AKR1B10: variants seen among roughly 807,000 people sequenced by gnomAD.
AKR1B10 encodes the protein aldo-keto reductase family 1 member B10, also known as ARP.
AKR1B10 carries 39 observed loss-of-function variants against 38.9 expected under a neutral mutation model. The ratio of observed to expected loss-of-function variants is 1.00; its 90% confidence interval spans 0.78 to 1.31. The LOEUF (loss-of-function observed/expected upper bound fraction) is 1.31. AKR1B10 is among the 50% of genes most tolerant of loss of function. The pLI is 0.00. For missense variants in AKR1B10, 361 were observed against 382.6 expected, an observed-to-expected ratio of 0.94 and a Z score of 0.47; for synonymous variants, 148 against 141.2, an observed-to-expected ratio of 1.05 and a Z score of -0.34.
intron 1 of AKR1B10, among the ~76,000 whole-genome samples, chr7:134,530,334 A>G (rs1298000359): frequency 6.6e-6 from 1 of 152,238 alleles, no homozygotes; most frequent in Non-Finnish European, 1.5e-5. Context: ...GGACATAATC[A>G]TAAAATAATT....
chr7:134,538,660 A>T (rs142498447), intron 8 of AKR1B10, among the ~76,000 whole-genome samples: 51 of 152,164 alleles, frequency 3.4e-4, no homozygotes, highest in African/African-American at 1.2e-3. Flanking sequence ...CTCTAGAAGC[A>T]CCTGTCATGG....
At chr7:134,533,612 T>C (rs1807924218) in intron 4 of AKR1B10, among the ~76,000 whole-genome samples, 2 of 152,178 alleles carry the variant, frequency 1.3e-5, no homozygotes, top group South Asian at 4.1e-4. Context: ...ACCTAGATTG[T>C]TTGATGACTT....
rs773730938 is a variant in AKR1B10, at chr7:134,528,003, C to A, written c.66+26C>A. ...GTAAATATGCAAATCTTTGCACACCCTTCTTCTCTGGAGGGGCGTTTGGGT... is the reference window on the plus strand; with the variant it reads ...GTAAATATGCAAATCTTTGCACACCATTCTTCTCTGGAGGGGCGTTTGGGT... On this transcript the variant is annotated intron_variant, in intron 1 of 9. Transcript: ENST00000359579. 5.0e-6 allele frequency: 8 copies of A among 1,612,656 alleles called. No homozygotes were observed. In the South Asian group the frequency reaches 6.6e-5, roughly 13 times the overall value.
In AKR1B10 at chr7:134,530,230, G is replaced by A. The variant is rs1425017118; in HGVS notation, c.67-413G>A. The stretch of plus-strand genomic sequence containing the variant: ...CTTTCATCTGGGTCTTCAGAAAGTT[G>A]TAGTGGAGCGGTCTGCACCCCCACA... On this transcript the variant is annotated intron_variant, in intron 1 of 9. Coordinates refer to ENST00000359579, the MANE Select transcript of AKR1B10 (RefSeq NM_020299.5). Among the ~76,000 whole-genome samples the A allele has an allele frequency of 2.0e-5, 3 of 152,292 alleles. No individual in the cohort carries two copies. In the East Asian group the frequency reaches 5.8e-4, roughly 29 times the overall value.
At chr7:134,531,805 G>T (rs181006655) in intron 2 of AKR1B10, 103 bp from the exon 3 acceptor site, 2 of 1,321,054 alleles carry the variant, frequency 1.5e-6, no homozygotes, top group East Asian at 2.3e-5. Context: ...CAAATGGCTT[G>T]TGGTGGGTTA....
rs889727476 is a variant in AKR1B10 at position 134,537,746 on chromosome 7, C to T, written c.741+85C>T. ...TATCCTGTGTTGTCCTCAACAAACT[C>T]CTTAAAGGGGAAGAATATAGGAGCT... On this transcript the variant is annotated intron_variant, in intron 7 of 9. Transcript: ENST00000359579. The T allele has an allele frequency of 4.0e-6, 6 of 1,511,690 alleles. No homozygotes were observed. In the African/African-American group the frequency reaches 6.9e-5, roughly 17 times the overall value. 93.6% of individuals were successfully genotyped at this position (1,511,690 alleles called of 1,614,324 possible). A position where few individuals can be genotyped will look rare whatever the true frequency, so the allele number is the denominator to read the frequency against.
intron 2 of AKR1B10, among the ~76,000 whole-genome samples, chr7:134,531,078 C>T (rs1331745422): frequency 2.0e-5 from 3 of 152,176 alleles, no homozygotes; most frequent in Non-Finnish European, 4.4e-5. Context: ...CTCCCTGTTC[C>T]CCATCAGAGG....
At chr7:134,532,865 C>A in intron 3 of AKR1B10, 139 bp from the exon 4 acceptor site, 5 of 641,282 alleles carry the variant, frequency 7.8e-6, no homozygotes, top group Non-Finnish European at 5.4e-6. Flanking sequence ...AACTCACATT[C>A]CTAAAGTATG....
In AKR1B10 at chr7:134,541,271, A is replaced by G. The variant is rs1808143991; in HGVS notation, c.*182A>G. The G allele has an allele frequency of 1.9e-6, 1 of 537,294 alleles. No homozygotes were observed. The allele number at this position is 537,294 out of a possible 1,614,324, so 33.3% of individuals were successfully genotyped here. A position where few individuals can be genotyped will look rare whatever the true frequency, so the allele number is the denominator to read the frequency against. ...TTCTGTATGTTCAACTAGGATCAGA[A>G]TATCACAGAAAAGCATGGCTTGAAT... is the stretch of plus-strand genomic sequence containing the variant. On this transcript the variant is annotated 3_prime_UTR_variant, in exon 10 of 10. Transcript: ENST00000359579.
chr7:134,530,542 G>T, intron 1 of AKR1B10, 101 bp from the exon 2 acceptor site: 3 of 1,307,052 alleles, frequency 2.3e-6, no homozygotes, highest in Middle Eastern at 1.9e-4. Flanking sequence ...AGGTGGGAGG[G>T]TTGCTTGAAC....
intron 2 of AKR1B10, 66 bp from the exon 3 acceptor site, chr7:134,531,842 G>A (rs1431933974): frequency 6.3e-7 from 1 of 1,581,974 alleles, no homozygotes; most frequent in Admixed American, 1.7e-5. Flanking sequence ...AAAAAGCAGG[G>A]ACAATGAGTA....
chr7:134,532,920 A>G, intron 3 of AKR1B10, 84 bp from the exon 4 acceptor site: 1 of 1,168,122 alleles, frequency 8.6e-7, no homozygotes, highest in Admixed American at 2.2e-5. Context: ...GGTATTTAGC[A>G]AGAGTCAGGA....
chr7:134,538,589 C>T (rs909778241), intron 8 of AKR1B10, among the ~76,000 whole-genome samples: 1 of 152,152 alleles, frequency 6.6e-6, no homozygotes, highest in African/African-American at 2.4e-5. Flanking sequence ...ACAGACTGTC[C>T]TGGCCTCCCT....
intron 2 of AKR1B10, 38 bp downstream of exon 2, chr7:134,530,848 G>C (rs1265175442): frequency 6.3e-7 from 1 of 1,581,278 alleles, no homozygotes; most frequent in Non-Finnish European, 8.6e-7. Flanking sequence ...TTCACTTCAA[G>C]GCAGGCAGAA....
intron 7 of AKR1B10, 92 bp from the exon 8 acceptor site, chr7:134,538,102 A>G: frequency 8.3e-7 from 1 of 1,202,370 alleles, no homozygotes; most frequent in Non-Finnish European, 1.2e-6. Context: ...ACCTGAAGCC[A>G]CAGTGAGCTG....
rs1397235804 is a variant in AKR1B10, at chr7:134,528,154, C to T, written c.66+177C>T. Among the ~76,000 whole-genome samples, 4 of 152,366 alleles carry T rather than the reference C, an allele frequency of 2.6e-5. No individual in the cohort carries two copies. The East Asian group carries it at 7.7e-4, about 29-fold the overall frequency. ...CTCAGAGCTGATTCAGGCTGCAAAGCTCCAAGGCTGGCTTTCCCAGCAGTG... is the reference window on the plus strand; with the variant it reads ...CTCAGAGCTGATTCAGGCTGCAAAGTTCCAAGGCTGGCTTTCCCAGCAGTG... On this transcript the variant is annotated intron_variant, in intron 1 of 9. Transcript: ENST00000359579.
chr7:134,531,135 G>A (rs1451361578), intron 2 of AKR1B10, among the ~76,000 whole-genome samples: 1 of 152,104 alleles, frequency 6.6e-6, no homozygotes, highest in Non-Finnish European at 1.5e-5. Context: ...GGTGCAGGCG[G>A]GTCTTGATCT....
intron 9 of AKR1B10, 38 bp downstream of exon 9, chr7:134,539,055 GT>G (rs1276281414): frequency 1.9e-6 from 3 of 1,611,850 alleles, no homozygotes; most frequent in South Asian, 2.2e-5. Flanking sequence ...ATTGCCAGGA[GT>G]TTTTCTAAAC....
At chr7:134,528,123 T>G in intron 1 of AKR1B10, 146 bp downstream of exon 1, 15 of 1,096,858 alleles carry the variant, frequency 1.4e-5, no homozygotes, top group Non-Finnish European at 2.0e-5. Context: ...TAGGTTGCTT[T>G]CTTTTCTCAG....
Sources: gnomAD v4.1 joint callset for allele counts (sites outside exome capture counted in the v4.1 genomes callset) on GRCh38, gnomAD v4.1.1 for gene constraint, MANE v1.5 for transcripts, NCBI Gene and HGNC (gene_info 2026-07-23, HGNC 2026-07-21) for gene names.